Variants in CSNK1A1 observed in about 807,000 individuals in gnomAD.
CSNK1A1 encodes the protein casein kinase 1 alpha 1, also known as casein kinase I isoform alpha.
A neutral mutation model predicts 46.1 loss-of-function variants in CSNK1A1; 7 were observed. That is an observed-to-expected ratio of 0.15 (90% CI 0.09 to 0.29). The LOEUF (loss-of-function observed/expected upper bound fraction) is 0.29, where lower values mean the gene tolerates loss of function less well. Among genes scored for constraint, CSNK1A1 ranks in the 10% least tolerant of loss-of-function variants. The probability of loss-of-function intolerance (pLI) is 1.00; values close to 1 mark genes in which losing one functional copy is unlikely to be tolerated. For missense variants in CSNK1A1, 96 were observed against 417.1 expected (o/e 0.23, Z 6.71); for synonymous variants, 137 against 141.5 (o/e 0.97, Z 0.23).
intron 5 of CSNK1A1, 41 bp downstream of exon 5, chr5:149,513,029 C>T (rs746716842): frequency 6.2e-7 from 1 of 1,606,488 alleles, no homozygotes; most frequent in South Asian, 1.1e-5. Flanking sequence ...TTGATGGCTT[C>T]TGCTATGGCT....
chr5:149,520,435 A>T (rs1761533602), intron 3 of CSNK1A1, 47 bp from the exon 4 acceptor site: 1 of 1,045,712 alleles, frequency 9.6e-7, no homozygotes, highest in Admixed American at 1.8e-5. Context: ...TAGTAAATGA[A>T]AATCAACACA....
chr5:149,508,934 TTTG>T (rs1484638162), intron 7 of CSNK1A1, among the ~76,000 whole-genome samples: 1 of 152,168 alleles, frequency 6.6e-6, no homozygotes, highest in Non-Finnish European at 1.5e-5. Flanking sequence ...TTTACTTATT[TTTG>T]TTGTTGTTGA....
intron 9 of CSNK1A1, chr5:149,503,714 C>T: frequency 1.0e-6 from 1 of 985,368 alleles, no homozygotes; most frequent in Non-Finnish European, 1.2e-6. Flanking sequence ...ATGGATAGGG[C>T]AGGACACAAA....
intron 9 of CSNK1A1, chr5:149,499,089 T>C: frequency 1.0e-6 from 1 of 985,368 alleles, no homozygotes; most frequent in South Asian, 4.7e-5. Flanking sequence ...CCTAAGATGT[T>C]ACTGAAGTAT....
At chr5:149,519,690 G>C (rs1225454426) in intron 4 of CSNK1A1, among the ~76,000 whole-genome samples, 3 of 152,124 alleles carry the variant, frequency 2.0e-5, no homozygotes, top group African/African-American at 7.2e-5. Context: ...CCTTTAAAGG[G>C]AGAGGGAGGG....
rs74701805 is a variant in CSNK1A1 at position 149,518,726 on chromosome 5, G to A, written c.456+1564C>T. ...AAGGAGACCTAAACCTCCTAAAAAG[G>A]TTTTCACCACTAGATAACTTACACT... On this transcript the variant is annotated intron_variant, in intron 4 of 9. Transcript: ENST00000377843. 5.1e-3 allele frequency among the ~76,000 whole-genome samples: 770 copies of A among 150,398 alleles called. 7 individuals carry two copies. The highest frequency in any genetic ancestry group is 7.6e-3 in the Non-Finnish European group (516 of 67,676).
intron 3 of CSNK1A1, 88 bp from the exon 4 acceptor site, chr5:149,520,476 T>C (rs1761534028): frequency 2.7e-6 from 2 of 737,760 alleles, no homozygotes; most frequent in Admixed American, 2.5e-5. Flanking sequence ...CTCAATTATT[T>C]AGAGTTCACA....
In CSNK1A1 at chr5:149,500,886, G is replaced by T. The variant is rs189709829; in HGVS notation, c.1007-4026C>A. ...GTATTTAAAGTTGGGAAAGATAAAT[G>T]ACAATTTTAAGTATAGGAGGTATAC... is the stretch of plus-strand genomic sequence containing the variant. On this transcript the variant is annotated intron_variant, in intron 9 of 9. Coordinates refer to ENST00000377843, the MANE Select transcript of CSNK1A1 (RefSeq NM_001892.6). The T allele has an allele frequency of 3.6e-3, 2,676 of 741,182 alleles. 8 individuals carry two copies. Among genetic ancestry groups the T allele is most frequent in the Non-Finnish European group, 4.1e-3 (2,470 of 607,728 alleles). 45.9% of individuals were successfully genotyped at this position (741,182 alleles called of 1,614,324 possible).
intron 2 of CSNK1A1, among the ~76,000 whole-genome samples, chr5:149,548,532 A>G (rs543835835): frequency 6.3e-4 from 94 of 149,128 alleles, no homozygotes; most frequent in Non-Finnish European, 1.2e-3. Context: ...GCGCCACTGC[A>G]CTCTAGCCTG....
At chr5:149,502,031 A>G in intron 9 of CSNK1A1, 1 of 979,716 alleles carries the variant, frequency 1.0e-6, no homozygotes, top group Middle Eastern at 5.2e-4. Context: ...GGAGTATTTG[A>G]AAAGATCTAA....
In CSNK1A1 at chr5:149,505,177, G is replaced by A; in HGVS notation, c.1006+270C>T. The A allele has an allele frequency of 3.6e-6, 4 of 1,097,108 alleles. No homozygotes were observed. In the East Asian group the frequency reaches 2.2e-4, roughly 60 times the overall value. The allele number at this position is 1,097,108 out of a possible 1,614,324, so 68.0% of individuals were successfully genotyped here. Reference sequence around the variant, plus strand: ...ATGAATGAGTAAAAAAGATGCAGTTGTTAAAAAAATGACCCAAAATCCCAA... The same window carrying A: ...ATGAATGAGTAAAAAAGATGCAGTTATTAAAAAAATGACCCAAAATCCCAA... On this transcript the variant is annotated intron_variant, in intron 9 of 9. Transcript: ENST00000377843.
intron 2 of CSNK1A1, among the ~76,000 whole-genome samples, chr5:149,547,871 TG>T (rs1762528791): frequency 6.6e-6 from 1 of 151,248 alleles, no homozygotes; most frequent in South Asian, 2.1e-4. Context: ...TTTTTTGTTG[TG>T]TTTTTTTGTG....
In CSNK1A1 at chr5:149,550,089, G is replaced by A. The variant is rs2113213763; in HGVS notation, c.216C>T (p.Gly72=). ...KLYKILQGGV[G]IPHIRWYGQE... ...CGGGTTCTTACCGTATGTGGGGGAT[G>A]CCAACCCCACCTTGAAGAATCTTAT... The change falls in exon 2 of 10, where the codon GGC becomes GGT. Residue 72 remains glycine (G), a synonymous_variant. Transcript: ENST00000377843. This position sits in a 1 kb window ranked among gnomAD's most constrained non-coding sequence, Gnocchi z 4.3. 2 of 1,613,444 alleles carry A rather than the reference G, an allele frequency of 1.2e-6. No individual in the cohort carries two copies. Among genetic ancestry groups the A allele is most frequent in the South Asian group, 2.2e-5 (2 of 91,024 alleles).
intron 3 of CSNK1A1, among the ~76,000 whole-genome samples, chr5:149,520,682 G>A (rs1343208475): frequency 6.6e-6 from 1 of 152,112 alleles, no homozygotes; most frequent in African/African-American, 2.4e-5. Flanking sequence ...AGGAATACCT[G>A]TATAATAGTT....
intron 2 of CSNK1A1, among the ~76,000 whole-genome samples, chr5:149,529,389 A>C (rs1267626676): frequency 6.6e-6 from 1 of 152,258 alleles, no homozygotes; most frequent in Admixed American, 6.5e-5. Context: ...TATCCAAATT[A>C]AATCCAATTT....
intron 9 of CSNK1A1, among the ~76,000 whole-genome samples, chr5:149,500,012 A>G (rs1257046550): frequency 8.4e-6 from 1 of 119,096 alleles, no homozygotes; most frequent in Non-Finnish European, 1.6e-5. Flanking sequence ...TCTGTCACCC[A>G]GGCTGGAGTA....
chr5:149,535,112 G>A (rs1216306724), intron 2 of CSNK1A1, among the ~76,000 whole-genome samples: 2 of 152,008 alleles, frequency 1.3e-5, no homozygotes, highest in Non-Finnish European at 2.9e-5. Context: ...AACCCCAAAC[G>A]CTTTAAGTCT....
At chr5:149,518,136 C>T (rs1403691469) in intron 4 of CSNK1A1, among the ~76,000 whole-genome samples, 1 of 152,110 alleles carries the variant, frequency 6.6e-6, no homozygotes. Flanking sequence ...GCAATGGTGA[C>T]ATTTGGCTCT....
At chr5:149,542,654 A>ATATGTG (rs1554117870) in intron 2 of CSNK1A1, among the ~76,000 whole-genome samples, 68 of 6,222 alleles carry the variant, frequency 0.011, 6 homozygotes, top group African/African-American at 0.053. Context: ...ATATATATAT[A>ATATGTG]TATATATATA....
Sources: allele counts gnomAD v4.1 joint callset (sites outside exome capture counted in the v4.1 genomes callset), GRCh38; gene constraint gnomAD v4.1.1; non-coding constraint Gnocchi (gnomAD v3.1); transcripts MANE v1.5; gene names NCBI Gene and HGNC (gene_info 2026-07-23, HGNC 2026-07-21).